Variants in GRIN2B observed in about 807,000 individuals in gnomAD.
GRIN2B encodes glutamate receptor ionotropic, NMDA 2B.
In GRIN2B, 5 loss-of-function variants were observed where a neutral mutation model predicts 114.5. The observed-to-expected ratio is 0.04, with a 90% CI of 0.02 to 0.09. The LOEUF (loss-of-function observed/expected upper bound fraction) is 0.09, where lower values mean the gene tolerates loss of function less well. Among genes scored for constraint, GRIN2B ranks in the 10% least tolerant of loss-of-function variants. GRIN2B has a pLI of 1.00. For missense variants in GRIN2B, 1,108 were observed against 1,943.5 expected, an observed-to-expected ratio of 0.57 and a Z score of 8.08; for synonymous variants, 787 against 745.1, an observed-to-expected ratio of 1.06 and a Z score of -0.92.
At chr12:13,927,987 G>A (rs1323574760) in intron 2 of GRIN2B, among the ~76,000 whole-genome samples, 1 of 33,858 alleles carries the variant, frequency 3.0e-5, no homozygotes, top group Non-Finnish European at 7.4e-5. Flanking sequence ...AAAAAAGGGG[G>A]GGTATGCTGT....
intron 3 of GRIN2B, among the ~76,000 whole-genome samples, chr12:13,799,930 T>C (rs1213654002): frequency 6.6e-6 from 1 of 152,126 alleles, no homozygotes; most frequent in Non-Finnish European, 1.5e-5. Context: ...CCTTGCTGCC[T>C]GCCTGGAAGA....
At chr12:13,653,559 G>A (rs553208873) in intron 5 of GRIN2B, among the ~76,000 whole-genome samples, 1 of 152,120 alleles carries the variant, frequency 6.6e-6, no homozygotes, top group Non-Finnish European at 1.5e-5. Context: ...GAGAAAAAAA[G>A]CCAGCAGAGA....
chr12:13,893,819 C>CT (rs554958999), intron 2 of GRIN2B, among the ~76,000 whole-genome samples: 33 of 148,164 alleles, frequency 2.2e-4, no homozygotes, highest in South Asian at 2.2e-3. Flanking sequence ...CTTAAAGTGA[C>CT]TTTTTTTAAA....
At chr12:13,571,101 AG>A (rs1355895975) in intron 11 of GRIN2B, among the ~76,000 whole-genome samples, 2 of 152,222 alleles carry the variant, frequency 1.3e-5, no homozygotes, top group African/African-American at 4.8e-5. Flanking sequence ...TGGAGCTACA[AG>A]GGTATTGAGA....
chr12:13,684,966 T>C (rs1950164377), intron 4 of GRIN2B, among the ~76,000 whole-genome samples: 1 of 152,152 alleles, frequency 6.6e-6, no homozygotes, highest in South Asian at 2.1e-4. Context: ...CTGGCAAAGA[T>C]TTCTCTAGGA....
chr12:13,883,460 T>C (rs1866099764), intron 2 of GRIN2B, among the ~76,000 whole-genome samples: 1 of 152,186 alleles, frequency 6.6e-6, no homozygotes, highest in South Asian at 2.1e-4. Flanking sequence ...TACCTGCCTT[T>C]GGTCCTTCTT....
chr12:13,937,987 T>C (rs1003364453), intron 2 of GRIN2B, among the ~76,000 whole-genome samples: 1 of 152,098 alleles, frequency 6.6e-6, no homozygotes, highest in Non-Finnish European at 1.5e-5. Context: ...AGAGATACAA[T>C]GTTGACTCTA....
chr12:13,735,424 C>T (rs376265795), intron 4 of GRIN2B, among the ~76,000 whole-genome samples: 10 of 152,292 alleles, frequency 6.6e-5, no homozygotes, highest in African/African-American at 2.2e-4. Context: ...AGCCTTGGGT[C>T]TCATTCCTTT....
Position 13,883,436 on chromosome 12 carries a change from T to A in GRIN2B, c.-18-17210A>T, listed in dbSNP as rs139929757. Reference sequence around the variant, plus strand: ...TTCCAAAGTCTTGTGAATGTTCTTTTTTTCCTTCCTTCTTACCTGCCTTTG... The same window carrying A: ...TTCCAAAGTCTTGTGAATGTTCTTTATTTCCTTCCTTCTTACCTGCCTTTG... On this transcript the variant is annotated intron_variant, in intron 2 of 13. Transcript: ENST00000609686. 2.2e-4 allele frequency among the ~76,000 whole-genome samples: 34 copies of A among 152,326 alleles called. No homozygotes were observed. The East Asian group carries it at 6.6e-3, about 29-fold the overall frequency.
chr12:13,687,851 C>G (rs950353037), intron 4 of GRIN2B, among the ~76,000 whole-genome samples: 1 of 152,330 alleles, frequency 6.6e-6, no homozygotes, highest in South Asian at 2.1e-4. Context: ...TTCCCCTCTT[C>G]AGCACATAGT....
intron 10 of GRIN2B, among the ~76,000 whole-genome samples, chr12:13,579,125 G>A (rs1276813807): frequency 1.3e-5 from 2 of 152,124 alleles, no homozygotes; most frequent in East Asian, 1.9e-4. Context: ...AGATAGAGAC[G>A]AGTGTCTGTT....
intron 2 of GRIN2B, among the ~76,000 whole-genome samples, chr12:13,916,593 A>G (rs1398140149): frequency 6.6e-6 from 1 of 152,064 alleles, no homozygotes; most frequent in East Asian, 1.9e-4. Context: ...TCACGCCTAT[A>G]ATTCCAGCTC....
intron 3 of GRIN2B, among the ~76,000 whole-genome samples, chr12:13,814,764 G>T (rs1187678210): frequency 6.6e-6 from 1 of 152,114 alleles, no homozygotes; most frequent in Non-Finnish European, 1.5e-5. Flanking sequence ...ATACTACTGA[G>T]AATTTAATTT....
chr12:13,685,813 G>C (rs1591675679), intron 4 of GRIN2B, among the ~76,000 whole-genome samples: 1 of 152,178 alleles, frequency 6.6e-6, no homozygotes, highest in African/African-American at 2.4e-5. Context: ...TCTGGGAATG[G>C]AGAAAGTGAA....
chr12:13,794,055 A>T (rs931357652), intron 3 of GRIN2B, among the ~76,000 whole-genome samples: 4 of 149,994 alleles, frequency 2.7e-5, no homozygotes, highest in African/African-American at 9.8e-5. Context: ...AAAAAAAAAA[A>T]AAAAAATACA....
intron 5 of GRIN2B, among the ~76,000 whole-genome samples, chr12:13,621,228 G>A (rs61912871): frequency 0.012 from 1,876 of 152,208 alleles, 23 homozygotes; most frequent in South Asian, 0.02. Flanking sequence ...AAGAGAAGCC[G>A]GAGACACCAA....
chr12:13,750,150 GTC>G (rs1863457368), intron 4 of GRIN2B, among the ~76,000 whole-genome samples: 1 of 151,948 alleles, frequency 6.6e-6, no homozygotes, highest in Admixed American at 6.5e-5. Flanking sequence ...CTCTCTCTCA[GTC>G]TCTCTGCTCT....
intron 2 of GRIN2B, among the ~76,000 whole-genome samples, chr12:13,947,146 C>A (rs1046777907): frequency 3.9e-4 from 59 of 152,172 alleles, no homozygotes; most frequent in African/African-American, 1.4e-3. Flanking sequence ...TCTTCATGTA[C>A]TCACAAAAGT....
intron 8 of GRIN2B, among the ~76,000 whole-genome samples, chr12:13,613,431 T>C (rs1436556187): frequency 2.0e-5 from 3 of 152,206 alleles, no homozygotes; most frequent in Non-Finnish European, 4.4e-5. Flanking sequence ...AGGAGTAAAC[T>C]AGGACTGAGA....
Sources: allele counts gnomAD v4.1 joint callset (sites outside exome capture counted in the v4.1 genomes callset), GRCh38; gene constraint gnomAD v4.1.1; transcripts MANE v1.5; gene names NCBI Gene and HGNC (gene_info 2026-07-23, HGNC 2026-07-21).